Variants in NFX1 observed in about 807,000 individuals in gnomAD.
NFX1 encodes transcriptional repressor NF-X1.
In NFX1, 69 loss-of-function variants were observed where a neutral mutation model predicts 137.2. The observed-to-expected ratio is 0.50, with a 90% CI of 0.41 to 0.61. The LOEUF (loss-of-function observed/expected upper bound fraction) is 0.61. Among genes scored for constraint, NFX1 ranks in the 20% least tolerant of loss-of-function variants. NFX1 has a pLI of 0.00. For missense variants in NFX1, 1,167 were observed against 1,391.0 expected, an observed-to-expected ratio of 0.84 and a Z score of 2.56; for synonymous variants, 495 against 474.1, an observed-to-expected ratio of 1.04 and a Z score of -0.57.
At position 33,318,982 on chromosome 9, in the gene NFX1, C is replaced by T; in HGVS notation, c.1761C>T (p.Leu587=). 2.5e-6 allele frequency: 4 copies of T among 1,614,214 alleles called. No individual in the cohort carries two copies. Among genetic ancestry groups the T allele is most frequent in the Non-Finnish European group, 2.5e-6 (3 of 1,180,046 alleles). ...HPQPCQQCPR[L]PQLVRCCPCG... ...AGCCCTGCCAGCAATGCCCACGGCT[C>T]CCCCAGCTGGTGCGCTGTTGCCCCT... The change falls in exon 9 of 24, where the codon CTC becomes CTT. Residue 587 remains leucine (L), a synonymous_variant. Transcript: ENST00000379540.
At chr9:33,319,671 G>A (rs780383710) in intron 9 of NFX1, among the ~76,000 whole-genome samples, 10 of 152,040 alleles carry the variant, frequency 6.6e-5, no homozygotes, top group Non-Finnish European at 1.0e-4. Flanking sequence ...CACCACGCCC[G>A]GCTAATTTTT....
intron 5 of NFX1, among the ~76,000 whole-genome samples, chr9:33,309,493 C>T (rs781379316): frequency 4.6e-5 from 7 of 152,368 alleles, no homozygotes; most frequent in South Asian, 2.1e-4. Flanking sequence ...AAACCTGCTC[C>T]TGCTCTTTTG....
chr9:33,334,326 A>G (rs920493770), intron 11 of NFX1, among the ~76,000 whole-genome samples: 2 of 152,132 alleles, frequency 1.3e-5, no homozygotes, highest in African/African-American at 4.8e-5. Context: ...GCATAGTGGC[A>G]TGTGCCCATA....
At position 33,370,384 on chromosome 9, in the gene NFX1, C is replaced by A. The variant is rs1702468373; in HGVS notation, c.*406C>A. 6.3e-6 allele frequency: 1 copy of A among 158,908 alleles called. No individual in the cohort carries two copies. The highest frequency in any genetic ancestry group is 1.4e-5 in the Non-Finnish European group (1 of 72,958). 9.8% of individuals were successfully genotyped at this position (158,908 alleles called of 1,614,324 possible). On this transcript the variant is annotated 3_prime_UTR_variant, in exon 24 of 24. Coordinates refer to ENST00000379540, the MANE Select transcript of NFX1 (RefSeq NM_002504.6). ...TCCTGAAAATGCCTGAAACATCAGA[C>A]AGACATTGCTTGCTTTACCCAAACT...
chr9:33,367,910 GT>G (rs1162148146), intron 23 of NFX1, among the ~76,000 whole-genome samples: 2 of 152,172 alleles, frequency 1.3e-5, no homozygotes, highest in African/African-American at 4.8e-5. Flanking sequence ...ATACCAGATA[GT>G]TTAAGACTGA....
intron 16 of NFX1, chr9:33,352,032 A>T (rs931130439): frequency 4.1e-6 from 2 of 489,720 alleles, no homozygotes; most frequent in Non-Finnish European, 7.2e-6. Context: ...CCCTTGGGTG[A>T]GATTCTCAAT....
At chr9:33,332,581 T>C (rs1822847719) in intron 11 of NFX1, 79 bp downstream of exon 11, 2 of 1,074,946 alleles carry the variant, frequency 1.9e-6, no homozygotes, top group Non-Finnish European at 2.7e-6. Flanking sequence ...AGTTGGGTTA[T>C]GTATTTGTCA....
intron 2 of NFX1, among the ~76,000 whole-genome samples, chr9:33,297,179 A>G (rs1821387075): frequency 6.6e-6 from 1 of 152,080 alleles, no homozygotes; most frequent in Non-Finnish European, 1.5e-5. Context: ...ATTTTGCCCT[A>G]AGTGTATATT....
chr9:33,345,554 A>C (rs1484063765), intron 14 of NFX1, among the ~76,000 whole-genome samples: 2 of 152,136 alleles, frequency 1.3e-5, no homozygotes, highest in African/African-American at 4.8e-5. Context: ...ATTATACCTT[A>C]TATGTATTTC....
Position 33,352,455 on chromosome 9 carries a change from G to A in NFX1, c.2656-191G>A, listed in dbSNP as rs770111552. ...TTCCAAAAGGGGGCATTGTGGACGG[G>A]GCAATTCTTTCCTAGCATGTCAACA... On this transcript the variant is annotated intron_variant, in intron 16 of 23. Transcript: ENST00000379540. 99 of 685,066 alleles carry A rather than the reference G, an allele frequency of 1.4e-4. No homozygotes were observed. The East Asian group carries it at 2.6e-3, about 18-fold the overall frequency. 42.4% of individuals were successfully genotyped at this position (685,066 alleles called of 1,614,324 possible). A position where few individuals can be genotyped will look rare whatever the true frequency, so the allele number is the denominator to read the frequency against.
At chr9:33,331,480 A>G (rs1822804295) in intron 10 of NFX1, among the ~76,000 whole-genome samples, 1 of 152,340 alleles carries the variant, frequency 6.6e-6, no homozygotes, top group East Asian at 1.9e-4. Flanking sequence ...CCACTCCTGC[A>G]TATCATTTCT....
chr9:33,369,111 G>A (rs1355242211), intron 23 of NFX1, among the ~76,000 whole-genome samples: 1 of 151,926 alleles, frequency 6.6e-6, no homozygotes, highest in Non-Finnish European at 1.5e-5. Context: ...TGCCGCCCAG[G>A]CTGGAGTGCA....
At chr9:33,369,863 C>T in intron 23 of NFX1, 43 bp from the exon 24 acceptor site, 3 of 1,428,554 alleles carry the variant, frequency 2.1e-6, no homozygotes, top group Non-Finnish European at 3.0e-6. Context: ...TATCTGTTTC[C>T]CCCAAAGAAG....
chr9:33,292,326 A>C (rs1277644695), intron 1 of NFX1, among the ~76,000 whole-genome samples: 2 of 152,192 alleles, frequency 1.3e-5, no homozygotes, highest in Admixed American at 6.5e-5. Flanking sequence ...TCATCATCAA[A>C]GTCTTTAAAC....
intron 2 of NFX1, among the ~76,000 whole-genome samples, chr9:33,295,653 T>C (rs1272681775): frequency 1.3e-5 from 2 of 152,184 alleles, no homozygotes; most frequent in Non-Finnish European, 2.9e-5. Flanking sequence ...AAATAAGAAT[T>C]CTTTTTCTTT....
intron 11 of NFX1, among the ~76,000 whole-genome samples, chr9:33,336,546 G>A (rs1002456819): frequency 6.6e-6 from 1 of 152,066 alleles, no homozygotes; most frequent in Admixed American, 6.6e-5. Flanking sequence ...AGCCATCCTA[G>A]TGAAGTGATA....
At chr9:33,334,638 T>C (rs773905274) in intron 11 of NFX1, among the ~76,000 whole-genome samples, 3 of 152,234 alleles carry the variant, frequency 2.0e-5, no homozygotes, top group Non-Finnish European at 4.4e-5. Flanking sequence ...AGCATAGTTT[T>C]GTTTTTCCCT....
chr9:33,320,569 A>G (rs910813067), intron 9 of NFX1, among the ~76,000 whole-genome samples: 11 of 152,088 alleles, frequency 7.2e-5, no homozygotes, highest in African/African-American at 2.4e-4. Flanking sequence ...GTGGCTTCTG[A>G]TTACTTGAAT....
chr9:33,328,974 A>G (rs897847351), intron 10 of NFX1, among the ~76,000 whole-genome samples: 2 of 152,204 alleles, frequency 1.3e-5, no homozygotes, highest in South Asian at 2.1e-4. Context: ...TTTGATACCA[A>G]TTGAAAGTTC....
Sources: allele counts gnomAD v4.1 joint callset (sites outside exome capture counted in the v4.1 genomes callset), GRCh38; gene constraint gnomAD v4.1.1; transcripts MANE v1.5; gene names NCBI Gene and HGNC (gene_info 2026-07-23, HGNC 2026-07-21).